GOLGA2: variants seen among roughly 807,000 people sequenced by gnomAD.
The protein encoded by GOLGA2 is golgin subfamily A member 2.
In GOLGA2, 49 loss-of-function variants were observed where a neutral mutation model predicts 148.8. That is an observed-to-expected ratio of 0.33 (90% CI 0.26 to 0.42). The LOEUF (loss-of-function observed/expected upper bound fraction) is 0.42. Ranked by LOEUF, GOLGA2 falls within the 10% of genes least tolerant of loss-of-function variation. The probability of loss-of-function intolerance (pLI) is 1.00; values close to 1 mark genes in which losing one functional copy is unlikely to be tolerated. For missense variants in GOLGA2, 1,178 were observed against 1,304.6 expected (o/e 0.90, Z 1.49); for synonymous variants, 501 against 511.8 (o/e 0.98, Z 0.28).
chr9:128,266,962 A>C lies in GOLGA2; in HGVS notation c.642+232T>G. 1.7e-6 allele frequency: 1 copy of C among 596,884 alleles called. No individual in the cohort carries two copies. The allele number at this position is 596,884 out of a possible 1,614,324, so 37.0% of individuals were successfully genotyped here. A position where few individuals can be genotyped will look rare whatever the true frequency, so the allele number is the denominator to read the frequency against. On this transcript the variant is annotated intron_variant, in intron 8 of 26. Transcript: ENST00000611957. This position sits in a 1 kb window ranked among gnomAD's most constrained non-coding sequence, Gnocchi z 4.2. ...GCAACAACCCCAGGGCGTGTGTGGC[A>C]AGGACTCGAGCAGGGGTGTCTAGAG...
Position 128,257,048 on chromosome 9 carries a change from T to G in GOLGA2, c.*19A>C, listed in dbSNP as rs770563453. 2 of 1,589,560 alleles carry G rather than the reference T, an allele frequency of 1.3e-6. No homozygotes were observed. The highest frequency in any genetic ancestry group is 1.7e-6 in the Non-Finnish European group (2 of 1,160,384). ...TATCCAGCCCCACTTCTTCAGGCTT[T>G]GCTGACAGTAGCCGGCTTTTAGATG... On this transcript the variant is annotated 3_prime_UTR_variant, in exon 27 of 27. Coordinates refer to ENST00000611957, the MANE Select transcript of GOLGA2 (RefSeq NM_001366244.2). The surrounding 1 kb of genome is among the most constrained non-coding windows in gnomAD (Gnocchi z 8.0).
chr9:128,262,804 C>A, intron 13 of GOLGA2, 100 bp from the exon 14 acceptor site: 1 of 1,151,240 alleles, frequency 8.7e-7, no homozygotes, highest in Non-Finnish European at 1.3e-6. Flanking sequence ...AGAACTGTGG[C>A]ACTGGAAGGA....
chr9:128,259,130 G>T (rs1564362749), intron 20 of GOLGA2, 37 bp downstream of exon 20: 4 of 1,599,560 alleles, frequency 2.5e-6, no homozygotes, highest in Admixed American at 3.3e-5. Context: ...TTGCCAGGTT[G>T]TCCCCCTCGG....
At chr9:128,263,736 T>C (rs1465933369) in intron 12 of GOLGA2, among the ~76,000 whole-genome samples, 1 of 151,712 alleles carries the variant, frequency 6.6e-6, no homozygotes, top group Non-Finnish European at 1.5e-5. Flanking sequence ...TTATTTTTAA[T>C]AGAGAGGGGG....
In GOLGA2 at chr9:128,268,499, A is replaced by G. The variant is rs142070356; in HGVS notation, c.314T>C (p.Leu105Pro). ...WKTPKDNAAT[L>P]QPSDDTVLPG... is the part of the protein sequence containing the mutation. ...TAACACGGTGTCATCAGATGGTTGT[A>G]GAGTAGCAGCATTGTCCTTGGGTGT... Residue 105 changes from leucine (L) to proline (P), a missense_variant, in exon 4 of 27, where the codon CTA (leucine) becomes CCA (proline). Coordinates refer to ENST00000611957, the MANE Select transcript of GOLGA2 (RefSeq NM_001366244.2). 1.2e-3 allele frequency: 1,990 copies of G among 1,610,242 alleles called. 3 individuals are homozygous for G. The highest frequency in any genetic ancestry group is 1.6e-3 in the Non-Finnish European group (1,915 of 1,177,342).
At position 128,260,796 on chromosome 9, in the gene GOLGA2, G is replaced by C. The variant is rs772592302; in HGVS notation, c.1427C>G (p.Pro476Arg). The change falls in exon 18 of 27, where the codon CCC (proline) becomes CGC (arginine). Residue 476 changes from proline (P) to arginine (R), a missense_variant. Transcript: ENST00000611957. This position sits in a 1 kb window ranked among gnomAD's most constrained non-coding sequence, Gnocchi z 4.8. ...LAELRNQMAE[P>R]PPPEPPAGPS... The stretch of plus-strand genomic sequence containing the variant: ...CCCTGCTGGGGGCTCTGGGGGCGGG[G>C]GTTCAGCTGAGAAAGGACGCAGACA... 3.7e-6 allele frequency: 6 copies of C among 1,601,056 alleles called. No individual in the cohort carries two copies. Among genetic ancestry groups the C allele is most frequent in the Non-Finnish European group, 5.1e-6 (6 of 1,173,382 alleles).
intron 12 of GOLGA2, among the ~76,000 whole-genome samples, chr9:128,264,616 C>T (rs1830485925): frequency 6.6e-6 from 1 of 151,830 alleles, no homozygotes; most frequent in South Asian, 2.1e-4. Flanking sequence ...TTAGTAGACA[C>T]AGGGTTTTGC....
At position 128,267,235 on chromosome 9, in the gene GOLGA2, A is replaced by G. The variant is rs1228899326; in HGVS notation, c.601T>C (p.Tyr201His). 1.9e-5 allele frequency: 30 copies of G among 1,611,320 alleles called. No homozygotes were observed. Among genetic ancestry groups the G allele is most frequent in the African/African-American group, 2.7e-5 (2 of 74,878 alleles). ...QQLAVALDSS[Y>H]VTNKQLNITI... Reference sequence around the variant, plus strand: ...ATATTGAGTTGTTTGTTTGTTACATAGCTGGAGTCCAGGGCTACCGCTAGC... The same window carrying G: ...ATATTGAGTTGTTTGTTTGTTACATGGCTGGAGTCCAGGGCTACCGCTAGC... Residue 201 changes from tyrosine to histidine, a missense_variant, in exon 8 of 27, where the codon TAT (tyrosine) becomes CAT (histidine). Physicochemically the swap from Tyr to His is moderately conservative, Grantham distance 83. Coordinates refer to ENST00000611957, the MANE Select transcript of GOLGA2 (RefSeq NM_001366244.2).
chr9:128,258,725 C>A lies in GOLGA2; in HGVS notation c.2174-155G>T. 1 of 644,736 alleles carries A rather than the reference C, an allele frequency of 1.6e-6. No individual in the cohort carries two copies. The highest frequency in any genetic ancestry group is 2.7e-5 in the East Asian group (1 of 36,540). 39.9% of individuals were successfully genotyped at this position (644,736 alleles called of 1,614,324 possible). The stretch of plus-strand genomic sequence containing the variant: ...TTTTATTTTATTCTTTTTTAAGAGC[C>A]AAGGGCTCGCTATGCTGCCCAGGTG... On this transcript the variant is annotated intron_variant, in intron 21 of 26. Coordinates refer to ENST00000611957, the MANE Select transcript of GOLGA2 (RefSeq NM_001366244.2). The surrounding 1 kb of genome is among the most constrained non-coding windows in gnomAD (Gnocchi z 6.6).
rs118045300 is a variant in GOLGA2, at chr9:128,271,533, C to G, written c.288+1252G>C. Among the ~76,000 whole-genome samples the G allele has an allele frequency of 3.1e-4, 47 of 152,332 alleles. No homozygotes were observed. Among genetic ancestry groups the G allele is most frequent in the African/African-American group, 1.0e-3 (43 of 41,578 alleles). On this transcript the variant is annotated intron_variant, in intron 3 of 26. Transcript: ENST00000611957. The surrounding 1 kb of genome is among the most constrained non-coding windows in gnomAD (Gnocchi z 4.4). ...CTGTGTACCTCCATGCCCTGCCCCC[C>G]ACCAGGCTCCCTGTGTTCCTGAAAG...
Position 128,267,182 on chromosome 9 carries a change from C to A in GOLGA2, c.642+12G>T, listed in dbSNP as rs1200753978. 6.6e-7 allele frequency: 1 copy of A among 1,504,938 alleles called. No individual in the cohort carries two copies. Among genetic ancestry groups the A allele is most frequent in the South Asian group, 1.1e-5 (1 of 88,846 alleles). The allele number at this position is 1,504,938 out of a possible 1,614,324, so 93.2% of individuals were successfully genotyped here. On this transcript the variant is annotated intron_variant, in intron 8 of 26. Coordinates refer to ENST00000611957, the MANE Select transcript of GOLGA2 (RefSeq NM_001366244.2). Reference sequence around the variant, plus strand: ...AGCAGCATGGAATCAGGGGACCCCACTGGACTCTTACCAATTTCTCTATCG... The same window carrying A: ...AGCAGCATGGAATCAGGGGACCCCAATGGACTCTTACCAATTTCTCTATCG...
intron 3 of GOLGA2, among the ~76,000 whole-genome samples, chr9:128,268,836 G>A (rs1414803294): frequency 6.6e-6 from 1 of 152,226 alleles, no homozygotes; most frequent in East Asian, 1.9e-4. Flanking sequence ...GCAGGAGGAA[G>A]GTGTGCCAAA....
chr9:128,262,530 G>A (rs745593673), intron 14 of GOLGA2, 33 bp downstream of exon 14: 14 of 1,603,694 alleles, frequency 8.7e-6, no homozygotes, highest in East Asian at 2.2e-5. Flanking sequence ...GCTGGATGGC[G>A]CTCCCACCAC....
chr9:128,267,499 C>T lies in GOLGA2; in HGVS notation c.520G>A (p.Gly174Arg). ...LVCESATCVN[G>R]EGPASSANLK... ...TTAGCAGACGATGCAGGGCCCTCCC[C>T]ATTGACACATGTCGCAGACTATAAG... Residue 174 changes from glycine to arginine, a missense_variant, in exon 7 of 27, where the codon GGG becomes AGG. Gly to Arg is a moderately radical substitution (Grantham distance 125, BLOSUM62 -2). Around this residue, in one of 5 missense-constraint regions of GOLGA2, gnomAD observed 304 missense variants for 404.1 expected, o/e 0.75. Coordinates refer to ENST00000611957, the MANE Select transcript of GOLGA2 (RefSeq NM_001366244.2). The T allele has an allele frequency of 6.2e-7, 1 of 1,613,236 alleles. No homozygotes were observed. Among genetic ancestry groups the T allele is most frequent in the Non-Finnish European group, 8.5e-7 (1 of 1,179,192 alleles).
chr9:128,272,601 G>C (rs1394696219), intron 3 of GOLGA2, among the ~76,000 whole-genome samples, 184 bp downstream of exon 3: 1 of 152,118 alleles, frequency 6.6e-6, no homozygotes, highest in African/African-American at 2.4e-5. Flanking sequence ...GATGATAAAA[G>C]ATTTGGGGGA....
chr9:128,266,022 T>C lies in GOLGA2; in HGVS notation c.682-2A>G. ...CTTTTGGTGGCATTCTTTCTTTTCC[T>C]ATAGGAAGAGGAAGACAGAGCTCTT... is the stretch of plus-strand genomic sequence containing the variant. On this transcript the variant is annotated splice_acceptor_variant, in intron 9 of 26. Coordinates refer to ENST00000611957, the MANE Select transcript of GOLGA2 (RefSeq NM_001366244.2). LOFTEE classifies it high-confidence loss of function. This position sits in a 1 kb window ranked among gnomAD's most constrained non-coding sequence, Gnocchi z 4.2. 1 of 1,611,958 alleles carries C rather than the reference T, an allele frequency of 6.2e-7. No individual in the cohort carries two copies. Among genetic ancestry groups the C allele is most frequent in the Non-Finnish European group, 8.5e-7 (1 of 1,178,050 alleles).
chr9:128,275,414 G>C (rs960677633), intron 1 of GOLGA2: 5 of 1,293,118 alleles, frequency 3.9e-6, no homozygotes, highest in Middle Eastern at 4.0e-4. Context: ...CGCGATGGGG[G>C]AGGGGACCGC....
rs903812540 is a variant in GOLGA2 at position 128,260,911 on chromosome 9, C to T, written c.1421-109G>A. On this transcript the variant is annotated intron_variant, in intron 17 of 26. Transcript: ENST00000611957. The surrounding 1 kb of genome is among the most constrained non-coding windows in gnomAD (Gnocchi z 4.8). ...AACTTGGCCTCCCTGCTGATGATTC[C>T]TCGCACCCGGATGTTAGCCAATCTT... 6 of 774,526 alleles carry T rather than the reference C, an allele frequency of 7.7e-6. No individual in the cohort carries two copies. Among genetic ancestry groups the T allele is most frequent in the Admixed American group, 5.5e-5 (2 of 36,680 alleles). 48.0% of individuals were successfully genotyped at this position (774,526 alleles called of 1,614,324 possible). A position where few individuals can be genotyped will look rare whatever the true frequency, so the allele number is the denominator to read the frequency against.
chr9:128,258,509 T>A lies in GOLGA2; in HGVS notation c.2235A>T (p.Ala745=). 6.2e-7 allele frequency: 1 copy of A among 1,600,594 alleles called. No individual in the cohort carries two copies. Residue 745 remains alanine, a synonymous_variant, in exon 22 of 27, where the codon GCA becomes GCT. Transcript: ENST00000611957. This position sits in a 1 kb window ranked among gnomAD's most constrained non-coding sequence, Gnocchi z 6.6. ...GGATGCTTGGCATGGGCTGAGGTAC[T>A]GCCACCGCCTCCTCCTCCTCCTCCT... ...DEEEEEEEAV[A]VPQPMPSIPE... is the part of the protein sequence containing the mutation.
Sources: gnomAD v4.1 joint callset for allele counts (sites outside exome capture counted in the v4.1 genomes callset) on GRCh38, gnomAD v4.1.1 for gene constraint, gnomAD v4.1.1 regional missense constraint, Gnocchi (gnomAD v3.1) non-coding constraint, MANE v1.5 for transcripts, NCBI Gene and HGNC (gene_info 2026-07-23, HGNC 2026-07-21) for gene names.